The following QTMAN variants were observed in gnomAD, a reference collection of about 807,000 sequenced individuals.
QTMAN encodes the protein tRNA-queuosine alpha-mannosyltransferase.
At chr2:144,222,802 T>G in the QTMAN span, among the ~76,000 whole-genome samples, 1 of 152,064 alleles carries the variant, frequency 6.6e-6, no homozygotes, top group Non-Finnish European at 1.5e-5. Flanking sequence ...AGCGAGACTC[T>G]GTCACAGAAA....
the QTMAN span, among the ~76,000 whole-genome samples, chr2:144,008,655 G>A: frequency 1.3e-5 from 2 of 151,866 alleles, no homozygotes; most frequent in East Asian, 3.9e-4. Context: ...AGAGGTAGGT[G>A]AAAAAGAAAA....
chr2:144,050,296 A>T, the QTMAN span, among the ~76,000 whole-genome samples: 1 of 152,176 alleles, frequency 6.6e-6, no homozygotes, highest in African/African-American at 2.4e-5. Flanking sequence ...TATGTTGCCA[A>T]AGGGCAGCGG....
chr2:143,985,747 C>A, the QTMAN span, among the ~76,000 whole-genome samples: 1 of 150,184 alleles, frequency 6.7e-6, no homozygotes, highest in South Asian at 2.1e-4. Context: ...ATATAGAGAG[C>A]AGTATGTATT....
chr2:144,101,020 C>T, the QTMAN span, among the ~76,000 whole-genome samples: 1 of 151,878 alleles, frequency 6.6e-6, no homozygotes, highest in East Asian at 1.9e-4. Context: ...CAGGCACCTG[C>T]CACCACGCTG....
chr2:144,127,335 G>C, the QTMAN span, among the ~76,000 whole-genome samples: 1 of 151,948 alleles, frequency 6.6e-6, no homozygotes, highest in Admixed American at 6.6e-5. Context: ...CTACCCATAA[G>C]CAGCAGGAAA....
chr2:144,224,142 CA>C, the QTMAN span, among the ~76,000 whole-genome samples: 2 of 152,240 alleles, frequency 1.3e-5, no homozygotes, highest in South Asian at 4.1e-4. Flanking sequence ...GCTTGGCATT[CA>C]AATGTTTTTA....
At chr2:144,136,121 T>C in the QTMAN span, among the ~76,000 whole-genome samples, 2 of 151,206 alleles carry the variant, frequency 1.3e-5, no homozygotes, top group Non-Finnish European at 3.0e-5. Flanking sequence ...AGCCCAGGAG[T>C]TGGAAACCAG....
the QTMAN span, among the ~76,000 whole-genome samples, chr2:144,175,647 A>C: frequency 1.3e-5 from 2 of 151,388 alleles, no homozygotes; most frequent in Non-Finnish European, 2.9e-5. Flanking sequence ...ATCTGTATCT[A>C]TTTATCTATA....
At chr2:143,962,850 G>A in the QTMAN span, among the ~76,000 whole-genome samples, 4 of 152,162 alleles carry the variant, frequency 2.6e-5, no homozygotes, top group Middle Eastern at 3.2e-3. Flanking sequence ...AAAGGGTAGA[G>A]TAATATAGTT....
the QTMAN span, among the ~76,000 whole-genome samples, chr2:144,263,674 G>C: frequency 6.6e-6 from 1 of 152,206 alleles, no homozygotes; most frequent in African/African-American, 2.4e-5. Flanking sequence ...AGTGAGCCGA[G>C]ATTGTGCCAT....
chr2:144,064,288 T>C, the QTMAN span, among the ~76,000 whole-genome samples: 1 of 152,242 alleles, frequency 6.6e-6, no homozygotes, highest in Non-Finnish European at 1.5e-5. Context: ...TTTCATTCAT[T>C]CTACATTACC....
At chr2:144,239,094 C>T in the QTMAN span, among the ~76,000 whole-genome samples, 5 of 149,454 alleles carry the variant, frequency 3.3e-5, no homozygotes, top group East Asian at 5.9e-4. Flanking sequence ...TAAGGCTATT[C>T]GAATATTCTA....
the QTMAN span, among the ~76,000 whole-genome samples, chr2:144,044,021 A>G: frequency 6.6e-6 from 1 of 152,142 alleles, no homozygotes; most frequent in South Asian, 2.1e-4. Context: ...GGCTACTTAG[A>G]TCAAAAGAAA....
the QTMAN span, among the ~76,000 whole-genome samples, chr2:144,254,600 C>G: frequency 6.6e-6 from 1 of 152,182 alleles, no homozygotes; most frequent in African/African-American, 2.4e-5. Context: ...TGGAGGCCCA[C>G]ACAAAGTCCC....
the QTMAN span, among the ~76,000 whole-genome samples, chr2:144,180,555 T>A: frequency 6.6e-6 from 1 of 152,260 alleles, no homozygotes; most frequent in Admixed American, 6.5e-5. Flanking sequence ...TTGATGAAGC[T>A]AAATAGGAAG....
At chr2:144,174,539 A>G in the QTMAN span, among the ~76,000 whole-genome samples, 36 of 152,214 alleles carry the variant, frequency 2.4e-4, no homozygotes, top group African/African-American at 8.7e-4. Flanking sequence ...AATGCATTTA[A>G]CCACTGATAT....
chr2:144,167,393 C>T, the QTMAN span, among the ~76,000 whole-genome samples: 7 of 152,244 alleles, frequency 4.6e-5, no homozygotes, highest in Admixed American at 1.3e-4. Context: ...TACTTGGATG[C>T]CATGCTATTA....
chr2:143,955,928 C>T, the QTMAN span, among the ~76,000 whole-genome samples: 2 of 152,184 alleles, frequency 1.3e-5, no homozygotes, highest in East Asian at 3.8e-4. Flanking sequence ...GATTGCAAAA[C>T]ACTAAGTAAA....
At chr2:144,178,819 G>T in the QTMAN span, 2 of 346,470 alleles carry the variant, frequency 5.8e-6, no homozygotes, top group East Asian at 2.0e-4. Context: ...ACTGATGCCG[G>T]AAGAAAAAGA....
Sources: gnomAD v4.1 joint callset for allele counts (sites outside exome capture counted in the v4.1 genomes callset) on GRCh38, gnomAD v4.1.1 for gene constraint, MANE v1.5 for transcripts, NCBI Gene and HGNC (gene_info 2026-07-23, HGNC 2026-07-21) for gene names.